OR8H1: variants seen among roughly 807,000 people sequenced by gnomAD.
OR8H1 encodes olfactory receptor 8H1.
For missense variants in OR8H1, 388 were observed against 374.1 expected (o/e 1.04, Z -0.31); for synonymous variants, 135 against 134.5 (o/e 1.00, Z -0.03).
Position 56,290,424 on chromosome 11 carries a change from T to C in OR8H1, c.639A>G (p.Ile213Met), listed in dbSNP as rs758974836. The C allele has an allele frequency of 1.2e-6, 2 of 1,614,076 alleles. No homozygotes were observed. The highest frequency in any genetic ancestry group is 2.7e-5 in the African/African-American group (2 of 74,936). Residue 213 changes from isoleucine to methionine, a missense_variant, in exon 2 of 2, where the codon ATA becomes ATG. Ile to Met is a conservative substitution (Grantham distance 10). Transcript: ENST00000641600. The part of the protein sequence containing the change: ...GSTLMVSLIT[I>M]SASYVSILST... ...AGAGAATGGACACATAGGATGCAGA[T>C]ATTGTGATAAGGGACACCATCAGGG...
rs1854115802 is a variant in OR8H1 at position 56,289,788 on chromosome 11, A to C, written c.*339T>G. 1 of 267,060 alleles carries C rather than the reference A, an allele frequency of 3.7e-6. No homozygotes were observed. The highest frequency in any genetic ancestry group is 2.3e-5 in the African/African-American group (1 of 43,754). 16.5% of individuals were successfully genotyped at this position (267,060 alleles called of 1,614,324 possible). A position where few individuals can be genotyped will look rare whatever the true frequency, so the allele number is the denominator to read the frequency against. ...AGGCATGCACCACCACACCCAGCTA[A>C]TTTTTTGTATTTTTACTACAGACCA... On this transcript the variant is annotated 3_prime_UTR_variant, in exon 2 of 2. Transcript: ENST00000641600.
At position 56,290,437 on chromosome 11, in the gene OR8H1, GA is replaced by G. The variant is rs753940834; in HGVS notation, c.625del (p.Ser209ProfsTer17). On this transcript the variant is annotated frameshift_variant, in exon 2 of 2. Transcript: ENST00000641600. LOFTEE classifies it low-confidence loss of function (END_TRUNC). ...ATAGGATGCAGATATTGTGATAAGG[GA>G]CACCATCAGGGTGGAACCAGCTAAA... is the stretch of plus-strand genomic sequence containing the variant. ...HILAGSTLMV[S>X]LITISASYVS... The G allele has an allele frequency of 1.2e-6, 2 of 1,614,192 alleles. No individual in the cohort carries two copies. The highest frequency in any genetic ancestry group is 1.7e-6 in the Non-Finnish European group (2 of 1,180,026).
chr11:56,291,630 G>A (rs1270882332), intron 1 of OR8H1, among the ~76,000 whole-genome samples: 1 of 151,924 alleles, frequency 6.6e-6, no homozygotes, highest in Non-Finnish European at 1.5e-5. Flanking sequence ...ATTATTTAAT[G>A]GTAATTTTAA....
rs764950614 is a variant in OR8H1 at position 56,290,716 on chromosome 11, G to A, written c.347C>T (p.Ser116Leu). The change falls in exon 2 of 2, where the codon TCA (serine) becomes TTA (leucine). Residue 116 changes from serine to leucine, a missense_variant. Ser to Leu is a moderately radical substitution (Grantham distance 145). Transcript: ENST00000641600. ...LGAAECFLLS[S>L]MAYDRYVAIC... ...AGCTACGTAGCGATCATAGGCCATT[G>A]ATGAGAGAAGAAAACATTCAGCAGC... 1 of 1,614,126 alleles carries A rather than the reference G, an allele frequency of 6.2e-7. No homozygotes were observed. Among genetic ancestry groups the A allele is most frequent in the South Asian group, 1.1e-5 (1 of 91,074 alleles).
At chr11:56,291,474 CAT>C (rs144324599) in intron 1 of OR8H1, among the ~76,000 whole-genome samples, 4,220 of 152,266 alleles carry the variant, frequency 0.028, 178 homozygotes, top group African/African-American at 0.097. Context: ...ATTCTGCCAA[CAT>C]ATGTTGACTT....
Position 56,290,699 on chromosome 11 carries a change from A to G in OR8H1, c.364T>C (p.Tyr122His), listed in dbSNP as rs1402858145. Residue 122 changes from tyrosine (Y) to histidine (H), a missense_variant, in exon 2 of 2, where the codon TAC becomes CAC. Coordinates refer to ENST00000641600, the MANE Select transcript of OR8H1 (RefSeq NM_001005199.2). The part of the protein sequence containing the change: ...FLLSSMAYDR[Y>H]VAICSPLRYP... ...CGTAGAGGACTGCAGATAGCTACGT[A>G]GCGATCATAGGCCATTGATGAGAGA... 6.2e-7 allele frequency: 1 copy of G among 1,614,016 alleles called. No individual in the cohort carries two copies. Among genetic ancestry groups the G allele is most frequent in the Non-Finnish European group, 8.5e-7 (1 of 1,180,018 alleles).
At position 56,290,392 on chromosome 11, in the gene OR8H1, A is replaced by G. The variant is rs773865565; in HGVS notation, c.671T>C (p.Ile224Thr). The G allele has an allele frequency of 4.3e-6, 7 of 1,614,100 alleles. No homozygotes were observed. Among genetic ancestry groups the G allele is most frequent in the East Asian group, 4.5e-5 (2 of 44,884 alleles). The change falls in exon 2 of 2, where the codon ATC (isoleucine) becomes ACC (threonine). Residue 224 changes from isoleucine to threonine, a missense_variant. Ile to Thr is a moderately conservative substitution (Grantham distance 89). Transcript: ENST00000641600. ...SASYVSILST[I>T]LKINSTSGKQ... Reference sequence around the variant, plus strand: ...TCCTGAAGTGGAATTAATTTTCAGGATGGTAGAGAGAATGGACACATAGGA... The same window carrying G: ...TCCTGAAGTGGAATTAATTTTCAGGGTGGTAGAGAGAATGGACACATAGGA...
chr11:56,288,611 T>A lies in OR8H1; in HGVS notation c.*1516A>T, dbSNP rs1232353855. On this transcript the variant is annotated 3_prime_UTR_variant, in exon 2 of 2. Transcript: ENST00000641600. ...TAATGTGGTGAGTTAATATTTCAAG[T>A]CCAAAACATTGTGAAATGAGTCTTG... is the stretch of plus-strand genomic sequence containing the variant. The A allele has an allele frequency of 6.6e-6, 1 of 152,030 alleles. No homozygotes were observed. The highest frequency in any genetic ancestry group is 1.5e-5 in the Non-Finnish European group (1 of 67,926). 9.4% of individuals were successfully genotyped at this position (152,030 alleles called of 1,614,324 possible). A position where few individuals can be genotyped will look rare whatever the true frequency, so the allele number is the denominator to read the frequency against.
rs1308900114 is a variant in OR8H1, at chr11:56,290,684, T to G, written c.379A>C (p.Ser127Arg). 8 of 1,614,024 alleles carry G rather than the reference T, an allele frequency of 5.0e-6. No individual in the cohort carries two copies. Among genetic ancestry groups the G allele is most frequent in the Non-Finnish European group, 6.8e-6 (8 of 1,179,988 alleles). Residue 127 changes from serine (S) to arginine (R), a missense_variant, in exon 2 of 2, where the codon AGT becomes CGT. Coordinates refer to ENST00000641600, the MANE Select transcript of OR8H1 (RefSeq NM_001005199.2). ...ATAATAACTGGGTAACGTAGAGGAC[T>G]GCAGATAGCTACGTAGCGATCATAG... is the stretch of plus-strand genomic sequence containing the variant. ...MAYDRYVAIC[S>R]PLRYPVIMSK...
Position 56,290,238 on chromosome 11 carries a change from A to T in OR8H1, c.825T>A (p.Val275=), listed in dbSNP as rs1242102089. The stretch of plus-strand genomic sequence containing the variant: ...GCATGGGAATCACAATAGTATAAAA[A>T]ACAGAAGCCACTTGATCCCTTCCCA... ...YSLGRDQVAS[V]FYTIVIPMLN... is the part of the protein sequence containing the mutation. Residue 275 remains valine, a synonymous_variant, in exon 2 of 2, where the codon GTT becomes GTA. Coordinates refer to ENST00000641600, the MANE Select transcript of OR8H1 (RefSeq NM_001005199.2). The T allele has an allele frequency of 6.2e-7, 1 of 1,612,824 alleles. No individual in the cohort carries two copies. Among genetic ancestry groups the T allele is most frequent in the East Asian group, 2.2e-5 (1 of 44,864 alleles).
chr11:56,292,133 T>C lies in OR8H1; in HGVS notation c.-205A>G, dbSNP rs1323906099. On this transcript the variant is annotated 5_prime_UTR_variant, in exon 1 of 2. Transcript: ENST00000641600. ...TTACATTTTTGTGCATTCATTTTGT[T>C]TTATTCTGTGTCAAAAAACCAACCT... 3 of 152,226 alleles carry C rather than the reference T, an allele frequency of 2.0e-5. No individual in the cohort carries two copies. Among genetic ancestry groups the C allele is most frequent in the Non-Finnish European group, 4.4e-5 (3 of 68,040 alleles). 9.4% of individuals were successfully genotyped at this position (152,226 alleles called of 1,614,324 possible). A position where few individuals can be genotyped will look rare whatever the true frequency, so the allele number is the denominator to read the frequency against.
chr11:56,290,661 A>G lies in OR8H1; in HGVS notation c.402T>C (p.Ile134=). Residue 134 remains isoleucine, a synonymous_variant, in exon 2 of 2, where the codon ATT becomes ATC. Coordinates refer to ENST00000641600, the MANE Select transcript of OR8H1 (RefSeq NM_001005199.2). The stretch of plus-strand genomic sequence containing the variant: ...GAGCGCAACACAGCCTTTTGGACAT[A>G]ATAACTGGGTAACGTAGAGGACTGC... ...AICSPLRYPV[I]MSKRLCCALV... 6.2e-7 allele frequency: 1 copy of G among 1,614,120 alleles called. No homozygotes were observed. Among genetic ancestry groups the G allele is most frequent in the South Asian group, 1.1e-5 (1 of 91,046 alleles).
At position 56,290,559 on chromosome 11, in the gene OR8H1, G is replaced by C. The variant is rs745373167; in HGVS notation, c.504C>G (p.Cys168Trp). 1.2e-6 allele frequency: 2 copies of C among 1,614,024 alleles called. No homozygotes were observed. The highest frequency in any genetic ancestry group is 2.2e-5 in the South Asian group (2 of 91,096). Residue 168 changes from cysteine (C) to tryptophan (W), a missense_variant, in exon 2 of 2, where the codon TGC becomes TGG. Physicochemically the swap from Cys to Trp is radical, Grantham distance 215. Coordinates refer to ENST00000641600, the MANE Select transcript of OR8H1 (RefSeq NM_001005199.2). The part of the protein sequence containing the change: ...NVVWMSRLHF[C>W]DSNVVRHFFC... ...AAAAGTGACGAACTACATTTGAGTC[G>C]CAGAAATGCAGTCTGCTCATCCAAA... is the stretch of plus-strand genomic sequence containing the variant.
Position 56,290,777 on chromosome 11 carries a change from A to G in OR8H1, c.286T>C (p.Cys96Arg), listed in dbSNP as rs1565100503. ...ACAAAAAAGAACATCTGGGCAAAGC[A>G]GCCCATGAAGGAAATATAGTTGGAA... ...LTSNYISFMG[C>R]FAQMFFFVFL... Residue 96 changes from cysteine (C) to arginine (R), a missense_variant, in exon 2 of 2, where the codon TGC becomes CGC. Coordinates refer to ENST00000641600, the MANE Select transcript of OR8H1 (RefSeq NM_001005199.2). The G allele has an allele frequency of 1.2e-6, 2 of 1,614,196 alleles. No individual in the cohort carries two copies. Among genetic ancestry groups the G allele is most frequent in the Non-Finnish European group, 1.7e-6 (2 of 1,180,032 alleles).
Position 56,290,316 on chromosome 11 carries a change from G to T in OR8H1, c.747C>A (p.Ile249=). 1 of 1,613,646 alleles carries T rather than the reference G, an allele frequency of 6.2e-7. No individual in the cohort carries two copies. Among genetic ancestry groups the T allele is most frequent in the Non-Finnish European group, 8.5e-7 (1 of 1,179,866 alleles). ...AAGTAAAAATCATAGTTCCATAAAA[G>T]ATGGTGACTCCCAAGAGATGAGAGG... ...TCASHLLGVT[I]FYGTMIFTYL... is the part of the protein sequence containing the mutation. Residue 249 remains isoleucine, a synonymous_variant, in exon 2 of 2, where the codon ATC becomes ATA. Coordinates refer to ENST00000641600, the MANE Select transcript of OR8H1 (RefSeq NM_001005199.2).
intron 1 of OR8H1, among the ~76,000 whole-genome samples, 199 bp downstream of exon 1, chr11:56,291,752 T>C (rs1392763718): frequency 6.6e-6 from 1 of 152,112 alleles, no homozygotes; most frequent in African/African-American, 2.4e-5. Flanking sequence ...CAAAATCAAA[T>C]TTCTTCCAAA....
rs769544837 is a variant in OR8H1 at position 56,290,456 on chromosome 11, C to T, written c.607G>A (p.Gly203Ser). 1.9e-6 allele frequency: 3 copies of T among 1,614,128 alleles called. No individual in the cohort carries two copies. The highest frequency in any genetic ancestry group is 2.5e-6 in the Non-Finnish European group (3 of 1,180,028). ...ATAAGGGACACCATCAGGGTGGAAC[C>T]AGCTAAAATGTGTATCATGATTTCA... ...DIEIMIHILA[G>S]STLMVSLITI... The change falls in exon 2 of 2, where the codon GGT becomes AGT. Residue 203 changes from glycine to serine, a missense_variant. Physicochemically the swap from Gly to Ser is moderately conservative, Grantham distance 56 (BLOSUM62 0). Coordinates refer to ENST00000641600, the MANE Select transcript of OR8H1 (RefSeq NM_001005199.2).
rs982701676 is a variant in OR8H1, at chr11:56,289,038, T to C, written c.*1089A>G. The C allele has an allele frequency of 1.3e-5, 2 of 152,138 alleles. No individual in the cohort carries two copies. Among genetic ancestry groups the C allele is most frequent in the Non-Finnish European group, 2.9e-5 (2 of 67,974 alleles). 9.4% of individuals were successfully genotyped at this position (152,138 alleles called of 1,614,324 possible). On this transcript the variant is annotated 3_prime_UTR_variant, in exon 2 of 2. Coordinates refer to ENST00000641600, the MANE Select transcript of OR8H1 (RefSeq NM_001005199.2). The stretch of plus-strand genomic sequence containing the variant: ...AATATTTTATTTCCTAAAGTCCAAA[T>C]TGTGAACTACTGATATTATCTTTTT...
chr11:56,290,417 A>T lies in OR8H1; in HGVS notation c.646T>A (p.Ser216Thr), dbSNP rs150821353. The T allele has an allele frequency of 9.5e-5, 153 of 1,614,100 alleles. No homozygotes were observed. The highest frequency in any genetic ancestry group is 1.3e-4 in the Non-Finnish European group (149 of 1,180,050). Residue 216 changes from serine (S) to threonine (T), a missense_variant, in exon 2 of 2, where the codon TCC becomes ACC. Physicochemically the swap from Ser to Thr is moderately conservative, Grantham distance 58. Coordinates refer to ENST00000641600, the MANE Select transcript of OR8H1 (RefSeq NM_001005199.2). ...LMVSLITISA[S>T]YVSILSTILK... Reference sequence around the variant, plus strand: ...ATGGTAGAGAGAATGGACACATAGGATGCAGATATTGTGATAAGGGACACC... The same window carrying T: ...ATGGTAGAGAGAATGGACACATAGGTTGCAGATATTGTGATAAGGGACACC...
Sources: allele counts gnomAD v4.1 joint callset (sites outside exome capture counted in the v4.1 genomes callset), GRCh38; gene constraint gnomAD v4.1.1; transcripts MANE v1.5; gene names NCBI Gene and HGNC (gene_info 2026-07-23, HGNC 2026-07-21).